BOD1L1: variants seen among roughly 807,000 people sequenced by gnomAD.
BOD1L1 encodes biorientation of chromosomes in cell division 1 like 1.
In BOD1L1, 86 loss-of-function variants were observed where a neutral mutation model predicts 240.7. The observed-to-expected ratio is 0.36, with a 90% CI of 0.30 to 0.43. BOD1L1 has a LOEUF of 0.43. BOD1L1 is among the 20% of genes least tolerant of loss of function. The pLI is 1.00. For synonymous variants in BOD1L1, 1,268 were observed against 1,272.3 expected (o/e 1.00, Z 0.07); for missense variants, 3,554 against 3,643.5 (o/e 0.98, Z 0.63).
chr4:13,601,600 G>A lies in BOD1L1; in HGVS notation c.5300C>T (p.Ala1767Val), dbSNP rs1715173162. 1 of 1,613,828 alleles carries A rather than the reference G, an allele frequency of 6.2e-7. No individual in the cohort carries two copies. Among genetic ancestry groups the A allele is most frequent in the African/African-American group, 1.3e-5 (1 of 74,904 alleles). Residue 1767 changes from alanine to valine, a missense_variant, in exon 10 of 26, where the codon GCA becomes GTA. Around this residue, in one of 2 missense-constraint regions of BOD1L1, gnomAD observed 3,393 missense variants for 3,427.1 expected, o/e 0.99. Coordinates refer to ENST00000040738, the MANE Select transcript of BOD1L1 (RefSeq NM_148894.3). ...TTGGCTGGCACTTGTTCCTGGTGGT[G>A]CATCATTATCTCCCAGGACAACACC... Reference protein sequence around the residue: ...GAGVVLGDNDAPPGTSASQEG... With the variant: ...GAGVVLGDNDVPPGTSASQEG...
Position 13,576,911 on chromosome 4 carries a change from C to T in BOD1L1, c.8965G>A (p.Glu2989Lys), listed in dbSNP as rs747877156. ...EDKKEQESDE[E>K]EEEEEEDEPS... ...TCGTCCTCTTCCTCTTCTTCCTCTT[C>T]CTCATCAGACTCCTGCTCTTTCTTG... Residue 2989 changes from glutamate to lysine, a missense_variant, in exon 25 of 26, where the codon GAA (glutamate) becomes AAA (lysine). Glu to Lys is a moderately conservative substitution (Grantham distance 56). Around this residue, in one of 2 missense-constraint regions of BOD1L1, gnomAD observed 3,393 missense variants for 3,427.1 expected, o/e 0.99. Transcript: ENST00000040738. The T allele has an allele frequency of 1.2e-6, 2 of 1,613,974 alleles. No individual in the cohort carries two copies. Among genetic ancestry groups the T allele is most frequent in the Non-Finnish European group, 1.7e-6 (2 of 1,179,874 alleles).
At chr4:13,581,099 T>C (rs748554198) in intron 20 of BOD1L1, 33 bp downstream of exon 20, 6 of 1,565,608 alleles carry the variant, frequency 3.8e-6, no homozygotes, top group South Asian at 1.2e-5. Context: ...GAAAATTTCT[T>C]GTGTGTGAAC....
At chr4:13,605,996 T>C (rs184086457) in intron 9 of BOD1L1, among the ~76,000 whole-genome samples, 27 of 152,332 alleles carry the variant, frequency 1.8e-4, no homozygotes, top group Admixed American at 1.8e-3. Context: ...ACTCACTGAC[T>C]ACTAGCTATA....
chr4:13,624,407 T>C (rs995674379), intron 1 of BOD1L1: 1 of 152,188 alleles, frequency 6.6e-6, no homozygotes, highest in African/African-American at 2.4e-5. Flanking sequence ...GAAAAATGTG[T>C]ATTGTTGCTT....
chr4:13,570,611 CAGA>C (rs1712135981), intron 25 of BOD1L1, among the ~76,000 whole-genome samples: 1 of 152,230 alleles, frequency 6.6e-6, no homozygotes, highest in African/African-American at 2.4e-5. Flanking sequence ...ACGGGAATTT[CAGA>C]AGAACATTCT....
rs147122778 is a variant in BOD1L1 at position 13,600,895 on chromosome 4, C to G, written c.6005G>C (p.Gly2002Ala). 9.3e-6 allele frequency: 15 copies of G among 1,613,794 alleles called. No homozygotes were observed. In the African/African-American group the frequency reaches 1.1e-4, roughly 11 times the overall value. ...AACATCGTAACTACCCCCGACCAGG[C>G]CAGTGGAAATAGTGGTATCTTCAAC... is the stretch of plus-strand genomic sequence containing the variant. ...EKVEDTTIST[G>A]LVGGSYDVLV... The change falls in exon 10 of 26, where the codon GGC becomes GCC. Residue 2002 changes from glycine to alanine, a missense_variant. Coordinates refer to ENST00000040738, the MANE Select transcript of BOD1L1 (RefSeq NM_148894.3).
intron 17 of BOD1L1, among the ~76,000 whole-genome samples, chr4:13,584,725 T>C (rs1713535339): frequency 6.6e-6 from 1 of 152,152 alleles, no homozygotes; most frequent in Admixed American, 6.5e-5. Context: ...TTTCCTGCTT[T>C]TATTTTTCCA....
intron 1 of BOD1L1, chr4:13,624,128 T>C (rs901892756): frequency 6.6e-6 from 1 of 150,634 alleles, no homozygotes; most frequent in Admixed American, 6.6e-5. Context: ...ACTAAGGGAG[T>C]AGAAGAGAAG....
At chr4:13,580,084 C>A (rs1209866051) in intron 21 of BOD1L1, 111 bp from the exon 22 acceptor site, 1 of 724,722 alleles carries the variant, frequency 1.4e-6, no homozygotes, top group Non-Finnish European at 2.3e-6. Flanking sequence ...TTTACATAGG[C>A]GTATTTGAGA....
At chr4:13,591,462 T>A (rs1181090223) in intron 13 of BOD1L1, among the ~76,000 whole-genome samples, 2 of 152,052 alleles carry the variant, frequency 1.3e-5, no homozygotes, top group Admixed American at 6.5e-5. Flanking sequence ...ATAAATACAT[T>A]AAGACAGAAA....
intron 9 of BOD1L1, 49 bp downstream of exon 9, chr4:13,607,068 C>T: frequency 8.2e-7 from 1 of 1,225,822 alleles, no homozygotes; most frequent in South Asian, 1.4e-5. Context: ...GAATAAACAG[C>T]CTATATCTAA....
Position 13,608,649 on chromosome 4 carries a change from T to G in BOD1L1, c.1623A>C (p.Leu541Phe), listed in dbSNP as rs761472381. Residue 541 changes from leucine (L) to phenylalanine (F), a missense_variant, in exon 8 of 26, where the codon TTA becomes TTC. By Grantham distance (22) the Leu-to-Phe change is conservative. Around this residue, in one of 2 missense-constraint regions of BOD1L1, gnomAD observed 3,393 missense variants for 3,427.1 expected, o/e 0.99. Coordinates refer to ENST00000040738, the MANE Select transcript of BOD1L1 (RefSeq NM_148894.3). Reference sequence around the variant, plus strand: ...CCAAACTCTTTGTTGATGATTCTTCTAAGTCCACACTACTCCTGCCTAGAA... The same window carrying G: ...CCAAACTCTTTGTTGATGATTCTTCGAAGTCCACACTACTCCTGCCTAGAA... ...TKGQGRSSVD[L>F]EESSTKSLEP... 5 of 1,539,066 alleles carry G rather than the reference T, an allele frequency of 3.2e-6. No individual in the cohort carries two copies. The Admixed American group carries it at 1.1e-4, about 32-fold the overall frequency.
At chr4:13,624,823 G>C (rs1014888313) in intron 1 of BOD1L1, 7 of 152,192 alleles carry the variant, frequency 4.6e-5, no homozygotes, top group African/African-American at 1.7e-4. Context: ...ATATGCACGT[G>C]ACAGACATAA....
Position 13,600,390 on chromosome 4 carries a change from C to A in BOD1L1, c.6510G>T (p.Pro2170=), listed in dbSNP as rs370897772. The A allele has an allele frequency of 8.7e-5, 140 of 1,613,790 alleles. No homozygotes were observed. The highest frequency in any genetic ancestry group is 1.1e-4 in the Non-Finnish European group (135 of 1,179,882). The change falls in exon 10 of 26, where the codon CCG becomes CCT. Residue 2170 remains proline (P), a synonymous_variant. Coordinates refer to ENST00000040738, the MANE Select transcript of BOD1L1 (RefSeq NM_148894.3). The part of the protein sequence containing the change: ...TTIKCAESLQ[P]VAAAVEERAT... ...CCCTTTCTTCCACTGCTGCAGCAAC[C>A]GGCTGAAGACTTTCAGCACACTTGA... is the stretch of plus-strand genomic sequence containing the variant.
rs777164254 is a variant in BOD1L1, at chr4:13,588,757, T to C, written c.8245A>G (p.Ile2749Val). The C allele has an allele frequency of 5.0e-6, 8 of 1,605,492 alleles. No individual in the cohort carries two copies. The South Asian group carries it at 5.6e-5, about 11-fold the overall frequency. The change falls in exon 15 of 26, where the codon ATA becomes GTA. Residue 2749 changes from isoleucine (I) to valine (V), a missense_variant. Ile to Val is a conservative substitution (Grantham distance 29). This residue lies in a region of BOD1L1 where 3,393 missense variants were observed against 3,427.1 expected (regional missense o/e 0.99). Coordinates refer to ENST00000040738, the MANE Select transcript of BOD1L1 (RefSeq NM_148894.3). ...SSGRKDNAEA[I>V]SGHSVEADPK... ...TCTGCTTCAACACTGTGACCGCTTATGGCTTCTGCGTTGTCTTTTCTACCA... is the reference window on the plus strand; with the variant it reads ...TCTGCTTCAACACTGTGACCGCTTACGGCTTCTGCGTTGTCTTTTCTACCA...
chr4:13,607,230 C>A, intron 8 of BOD1L1, 41 bp from the exon 9 acceptor site: 2 of 1,292,930 alleles, frequency 1.5e-6, no homozygotes, highest in Middle Eastern at 2.0e-4. Context: ...GAATCAAATA[C>A]GAAAATTTTT....
At chr4:13,576,268 A>C (rs1406093010) in intron 25 of BOD1L1, among the ~76,000 whole-genome samples, 1 of 152,166 alleles carries the variant, frequency 6.6e-6, no homozygotes, top group Non-Finnish European at 1.5e-5. Context: ...ATTCAATGAC[A>C]TTCCCAAACT....
At position 13,599,781 on chromosome 4, in the gene BOD1L1, G is replaced by A. The variant is rs766840032; in HGVS notation, c.7119C>T (p.Val2373=). 6.2e-7 allele frequency: 1 copy of A among 1,614,020 alleles called. No individual in the cohort carries two copies. Among genetic ancestry groups the A allele is most frequent in the East Asian group, 2.2e-5 (1 of 44,874 alleles). ...LSATEVSKHK[V]PMPSLIAENN... Reference sequence around the variant, plus strand: ...TCTCAGCAATTAGGCTGGGCATGGGGACCTTGTGCTTGCTCACTTCTGTGG... The same window carrying A: ...TCTCAGCAATTAGGCTGGGCATGGGAACCTTGTGCTTGCTCACTTCTGTGG... The change falls in exon 10 of 26, where the codon GTC becomes GTT. Residue 2373 remains valine, a synonymous_variant. Coordinates refer to ENST00000040738, the MANE Select transcript of BOD1L1 (RefSeq NM_148894.3).
chr4:13,606,042 C>T (rs987871692), intron 9 of BOD1L1, among the ~76,000 whole-genome samples: 13 of 152,116 alleles, frequency 8.5e-5, no homozygotes, highest in Admixed American at 2.6e-4. Flanking sequence ...AAAGTTCAGA[C>T]GGACCTTTGT....
Sources: allele counts gnomAD v4.1 joint callset (sites outside exome capture counted in the v4.1 genomes callset), GRCh38; gene constraint gnomAD v4.1.1; regional missense constraint gnomAD v4.1.1; transcripts MANE v1.5; gene names NCBI Gene and HGNC (gene_info 2026-07-23, HGNC 2026-07-21).